EXT1: variants seen among roughly 807,000 people sequenced by gnomAD.
The protein encoded by EXT1 is exostosin glycosyltransferase 1, also known as exostosin-1.
Under a neutral mutation model 82.5 loss-of-function variants are expected in EXT1, and 20 were observed. The observed-to-expected ratio is 0.24, with a 90% CI of 0.17 to 0.35. The LOEUF (loss-of-function observed/expected upper bound fraction) is 0.35, where lower values mean the gene tolerates loss of function less well. Ranked by LOEUF, EXT1 falls within the 10% of genes least tolerant of loss-of-function variation. The pLI is 1.00. For missense variants in EXT1, 757 were observed against 936.5 expected (o/e 0.81, Z 2.50); for synonymous variants, 348 against 350.8 (o/e 0.99, Z 0.09).
intron 1 of EXT1, among the ~76,000 whole-genome samples, chr8:117,976,251 A>C (rs1563618297): frequency 6.6e-6 from 1 of 152,238 alleles, no homozygotes; most frequent in Non-Finnish European, 1.5e-5. Flanking sequence ...CCTACCGCCC[A>C]GCAATTCCTT....
At chr8:118,042,436 A>G (rs1305287262) in intron 1 of EXT1, among the ~76,000 whole-genome samples, 1 of 152,122 alleles carries the variant, frequency 6.6e-6, no homozygotes, top group Non-Finnish European at 1.5e-5. Flanking sequence ...CTGCGATTAC[A>G]GGCACACGCT....
At chr8:117,971,979 T>C (rs1009951404) in intron 1 of EXT1, among the ~76,000 whole-genome samples, 2 of 151,980 alleles carry the variant, frequency 1.3e-5, no homozygotes, top group African/African-American at 4.8e-5. Flanking sequence ...GGAGAAACCC[T>C]GTTTCTTCTA....
intron 1 of EXT1, among the ~76,000 whole-genome samples, chr8:118,002,381 C>CA (rs772109456): frequency 0.065 from 3,927 of 60,138 alleles, 317 homozygotes; most frequent in African/African-American, 0.16. Flanking sequence ...ACTCCGTCTC[C>CA]AAAAAAAAAA....
At chr8:117,947,544 G>C (rs1479065676) in intron 1 of EXT1, among the ~76,000 whole-genome samples, 3 of 152,166 alleles carry the variant, frequency 2.0e-5, no homozygotes, top group Non-Finnish European at 4.4e-5. Flanking sequence ...ACAATCTCCT[G>C]AGGCTCACTT....
chr8:117,900,272 C>G (rs375783132), intron 1 of EXT1, among the ~76,000 whole-genome samples: 1 of 152,164 alleles, frequency 6.6e-6, no homozygotes, highest in Non-Finnish European at 1.5e-5. Flanking sequence ...AAGGCAACGT[C>G]GGTACTGTTT....
rs1391845790 is a variant in EXT1 at position 118,111,679 on chromosome 8, G to C, written c.-633C>G. The C allele has an allele frequency of 1.0e-5, 3 of 299,202 alleles. No individual in the cohort carries two copies. In the Admixed American group the frequency reaches 1.6e-4, roughly 16 times the overall value. The allele number at this position is 299,202 out of a possible 1,614,324, so 18.5% of individuals were successfully genotyped here. A position where few individuals can be genotyped will look rare whatever the true frequency, so the allele number is the denominator to read the frequency against. ...CGCTCGCGGGGCCGGCCCCCGGGACGCGCGGCGGCCCGGCTGGAGGCGGCG... is the reference window on the plus strand; with the variant it reads ...CGCTCGCGGGGCCGGCCCCCGGGACCCGCGGCGGCCCGGCTGGAGGCGGCG... On this transcript the variant is annotated 5_prime_UTR_variant, in exon 1 of 11. Transcript: ENST00000378204.
At chr8:117,812,231 C>G (rs748919762) in intron 8 of EXT1, among the ~76,000 whole-genome samples, 3 of 152,136 alleles carry the variant, frequency 2.0e-5, no homozygotes, top group Non-Finnish European at 4.4e-5. Context: ...AATACTCATT[C>G]GAGTTGTAAA....
intron 1 of EXT1, among the ~76,000 whole-genome samples, chr8:117,944,686 C>T (rs536385952): frequency 1.3e-5 from 2 of 152,144 alleles, no homozygotes; most frequent in South Asian, 4.1e-4. Context: ...GGTTGAAATG[C>T]TTATTAAAGA....
At chr8:117,982,579 C>T (rs1376847284) in intron 1 of EXT1, among the ~76,000 whole-genome samples, 2 of 152,156 alleles carry the variant, frequency 1.3e-5, no homozygotes, top group East Asian at 1.9e-4. Context: ...CAGCCCCTGC[C>T]TCCTGGGTTC....
intron 10 of EXT1, among the ~76,000 whole-genome samples, chr8:117,801,906 A>T: frequency 6.6e-6 from 1 of 152,360 alleles, no homozygotes; most frequent in Non-Finnish European, 1.5e-5. Flanking sequence ...GTTTACACTC[A>T]TTCCTATTCA....
At chr8:118,068,131 T>G (rs996201968) in intron 1 of EXT1, among the ~76,000 whole-genome samples, 1 of 152,246 alleles carries the variant, frequency 6.6e-6, no homozygotes, top group Non-Finnish European at 1.5e-5. Context: ...AGCAGGTTGG[T>G]TCGGCAAAGC....
chr8:117,875,386 A>C (rs886874465), intron 1 of EXT1, among the ~76,000 whole-genome samples: 1 of 151,890 alleles, frequency 6.6e-6, no homozygotes, highest in African/African-American at 2.4e-5. Flanking sequence ...GTGCCACTGC[A>C]CTCCAGCCTG....
At chr8:117,865,260 C>A (rs1052451975) in intron 1 of EXT1, among the ~76,000 whole-genome samples, 1 of 152,164 alleles carries the variant, frequency 6.6e-6, no homozygotes, top group Non-Finnish European at 1.5e-5. Context: ...CTTGACCTCC[C>A]GGTCTCAAGC....
intron 1 of EXT1, among the ~76,000 whole-genome samples, chr8:118,051,153 T>C (rs1816710871): frequency 6.6e-6 from 1 of 152,056 alleles, no homozygotes. Context: ...CTGGCCAACA[T>C]GGCAAAACTC....
rs56865464 is a variant in EXT1 at position 118,010,371 on chromosome 8, C to CAAA, written c.962+99711_962+99713dup. Among the ~76,000 whole-genome samples the CAAA allele has an allele frequency of 2.0e-4, 11 of 55,966 alleles. 1 individual carries two copies. The highest frequency in any genetic ancestry group is 5.0e-4 in the African/African-American group (9 of 18,012). The allele number at this position is 55,966 out of a possible 152,430, so 36.7% of individuals were successfully genotyped here. Reference sequence around the variant, plus strand: ...TGAGCGACAGAGGGAGACTCCGTCTCAAAAAAAAAAAAAAAAAAAAGTATA... The same window carrying CAAA: ...TGAGCGACAGAGGGAGACTCCGTCTCAAAAAAAAAAAAAAAAAAAAAAAGTATA... On this transcript the variant is annotated intron_variant, in intron 1 of 10. Coordinates refer to ENST00000378204, the MANE Select transcript of EXT1 (RefSeq NM_000127.3).
At chr8:118,005,582 A>T (rs1268724322) in intron 1 of EXT1, among the ~76,000 whole-genome samples, 1 of 152,192 alleles carries the variant, frequency 6.6e-6, no homozygotes, top group Non-Finnish European at 1.5e-5. Flanking sequence ...GAGGCAACAA[A>T]GGGTTACATA....
At chr8:117,880,190 A>T (rs1272152086) in intron 1 of EXT1, among the ~76,000 whole-genome samples, 1 of 152,218 alleles carries the variant, frequency 6.6e-6, no homozygotes. Flanking sequence ...AAGTTACAAC[A>T]TGTGTGTAGA....
At chr8:118,035,838 T>C (rs1347643730) in intron 1 of EXT1, among the ~76,000 whole-genome samples, 2 of 152,328 alleles carry the variant, frequency 1.3e-5, no homozygotes, top group Non-Finnish European at 2.9e-5. Context: ...GTTTACATGA[T>C]AGCTCCTTTA....
intron 4 of EXT1, among the ~76,000 whole-genome samples, chr8:117,825,132 A>C (rs1328994675): frequency 6.6e-6 from 1 of 152,184 alleles, no homozygotes; most frequent in East Asian, 1.9e-4. Flanking sequence ...CCGGCCTCCC[A>C]AAGTGTTGGG....
Sources: allele counts gnomAD v4.1 joint callset (sites outside exome capture counted in the v4.1 genomes callset), GRCh38; gene constraint gnomAD v4.1.1; transcripts MANE v1.5; gene names NCBI Gene and HGNC (gene_info 2026-07-23, HGNC 2026-07-21).